NADK2: variants seen among roughly 807,000 people sequenced by gnomAD.
NADK2 encodes NAD kinase 2, mitochondrial, also known as NAD kinase domain-containing protein 1, mitochondrial.
Under a neutral mutation model 62.1 loss-of-function variants are expected in NADK2, and 35 were observed. The observed-to-expected ratio is 0.56, with a 90% CI of 0.43 to 0.75. The LOEUF (loss-of-function observed/expected upper bound fraction) is 0.75, where lower values mean the gene tolerates loss of function less well. Ranked by LOEUF, NADK2 falls within the 30% of genes least tolerant of loss-of-function variation. The probability of loss-of-function intolerance (pLI) is 0.00; values close to 1 mark genes in which losing one functional copy is unlikely to be tolerated. For missense variants in NADK2, 439 were observed against 561.3 expected (o/e 0.78, Z 2.20); for synonymous variants, 205 against 207.9 (o/e 0.99, Z 0.12).
At chr5:36,231,109 TA>T (rs1472546697) in intron 1 of NADK2, among the ~76,000 whole-genome samples, 1 of 152,202 alleles carries the variant, frequency 6.6e-6, no homozygotes, top group African/African-American at 2.4e-5. Flanking sequence ...GTAAGCCCTG[TA>T]AATGCTAGTC....
At chr5:36,200,380 G>C (rs1340738382) in intron 9 of NADK2, 100 bp from the exon 10 acceptor site, 2 of 526,082 alleles carry the variant, frequency 3.8e-6, no homozygotes, top group Non-Finnish European at 5.9e-6. Context: ...AAGTGTATAT[G>C]TGTTATATAT....
At chr5:36,232,024 T>C (rs1036874414) in intron 1 of NADK2, among the ~76,000 whole-genome samples, 3 of 152,110 alleles carry the variant, frequency 2.0e-5, no homozygotes, top group African/African-American at 7.2e-5. Context: ...CACATTTCAA[T>C]ATAAGCAAGA....
In NADK2 at chr5:36,227,505, T is replaced by C; in HGVS notation, c.361A>G (p.Asn121Asp). Residue 121 changes from asparagine (N) to aspartate (D), a missense_variant, in exon 2 of 12, where the codon AAT becomes GAT. By Grantham distance (23) the Asn-to-Asp change is conservative. Transcript: ENST00000381937. ...AAACTATCTATAATATGTTCTACAT[T>C]TTTGGTGTGAATATGATGTCGTTCA... The part of the protein sequence containing the change: ...LLERHHIHTK[N>D]VEHIIDSLRN... 6.4e-7 allele frequency: 1 copy of C among 1,551,946 alleles called. No homozygotes were observed. Among genetic ancestry groups the C allele is most frequent in the Non-Finnish European group, 8.7e-7 (1 of 1,148,034 alleles).
rs1042864332 is a variant in NADK2, at chr5:36,193,404, A to AGAT, written c.*1737_*1739dup. ...GGCAGGAGAATCGCTTGAACCTGGG[A>AGAT]GATGGAGGTTGCAGAGCCGAGATCA... On this transcript the variant is annotated 3_prime_UTR_variant, in exon 12 of 12. Transcript: ENST00000381937. 6.8e-6 allele frequency: 1 copy of AGAT among 146,914 alleles called. No homozygotes were observed. Among genetic ancestry groups the AGAT allele is most frequent in the African/African-American group, 2.5e-5 (1 of 39,748 alleles). 9.1% of individuals were successfully genotyped at this position (146,914 alleles called of 1,614,324 possible).
chr5:36,209,235 A>C (rs1267088115), intron 7 of NADK2, among the ~76,000 whole-genome samples: 1 of 152,166 alleles, frequency 6.6e-6, no homozygotes, highest in Non-Finnish European at 1.5e-5. Flanking sequence ...GTTATTTATG[A>C]GATAAACCAA....
chr5:36,214,870 A>G (rs764363509), intron 6 of NADK2, among the ~76,000 whole-genome samples: 8 of 152,204 alleles, frequency 5.3e-5, no homozygotes, highest in Non-Finnish European at 1.0e-4. Flanking sequence ...AAGCTTTTGC[A>G]TTCAGTCACT....
chr5:36,195,938 T>C (rs1746215343), intron 11 of NADK2, among the ~76,000 whole-genome samples: 1 of 152,028 alleles, frequency 6.6e-6, no homozygotes, highest in African/African-American at 2.4e-5. Flanking sequence ...AAAAGTATGT[T>C]TGTGAAATTC....
At position 36,205,765 on chromosome 5, in the gene NADK2, C is replaced by CT. The variant is rs1746611753; in HGVS notation, c.956+1404dup. Reference sequence around the variant, plus strand: ...CCTCAAGGATCTAGAACTAGAAATACTATTTGACCCAGCCATCCCATTACT... The same window carrying CT: ...CCTCAAGGATCTAGAACTAGAAATACTTATTTGACCCAGCCATCCCATTACT... On this transcript the variant is annotated intron_variant, in intron 8 of 11. Coordinates refer to ENST00000381937, the MANE Select transcript of NADK2 (RefSeq NM_001085411.3). The surrounding 1 kb of genome is among the most constrained non-coding windows in gnomAD (Gnocchi z 4.1). 6.6e-6 allele frequency among the ~76,000 whole-genome samples: 1 copy of CT among 152,106 alleles called. No individual in the cohort carries two copies. The highest frequency in any genetic ancestry group is 1.5e-5 in the Non-Finnish European group (1 of 68,022).
At chr5:36,206,346 C>T (rs1027937278) in intron 8 of NADK2, among the ~76,000 whole-genome samples, 1 of 149,224 alleles carries the variant, frequency 6.7e-6, no homozygotes, top group African/African-American at 2.5e-5. Context: ...TGTTGTAGTG[C>T]AGATGACAGC....
intron 4 of NADK2, among the ~76,000 whole-genome samples, chr5:36,224,265 T>C (rs1213873372): frequency 2.0e-5 from 3 of 152,162 alleles, no homozygotes; most frequent in Non-Finnish European, 2.9e-5. Flanking sequence ...GATGGTCAGA[T>C]TGATCTAGAA....
chr5:36,239,225 A>C (rs904060568), intron 1 of NADK2, among the ~76,000 whole-genome samples: 2 of 152,234 alleles, frequency 1.3e-5, no homozygotes, highest in African/African-American at 4.8e-5. Context: ...ATAACAAATA[A>C]TACTTATCAT....
intron 7 of NADK2, 121 bp downstream of exon 7, chr5:36,211,723 T>G: frequency 1.3e-6 from 1 of 753,558 alleles, no homozygotes; most frequent in Non-Finnish European, 2.2e-6. Context: ...CATTAAATAA[T>G]GAACTGCCAT....
chr5:36,216,449 T>C (rs1463811538), intron 6 of NADK2, among the ~76,000 whole-genome samples: 1 of 152,192 alleles, frequency 6.6e-6, no homozygotes, highest in Non-Finnish European at 1.5e-5. Context: ...TATTTTGTTT[T>C]TGTTGCCTGT....
intron 8 of NADK2, 49 bp from the exon 9 acceptor site, chr5:36,201,210 TA>T: frequency 6.7e-7 from 1 of 1,503,464 alleles, no homozygotes; most frequent in Non-Finnish European, 9.2e-7. Flanking sequence ...AAAAACATGC[TA>T]AAAATCAAAA....
chr5:36,208,389 G>A (rs1746716151), intron 7 of NADK2, among the ~76,000 whole-genome samples: 1 of 152,036 alleles, frequency 6.6e-6, no homozygotes, highest in South Asian at 2.1e-4. Flanking sequence ...ATCCATAGAA[G>A]TGGCTGCTAC....
chr5:36,199,671 CT>C (rs1425158814), intron 10 of NADK2, among the ~76,000 whole-genome samples: 2 of 152,056 alleles, frequency 1.3e-5, no homozygotes, highest in South Asian at 4.1e-4. Flanking sequence ...TTAACCCCCT[CT>C]TTTTACAACT....
chr5:36,213,768 A>G (rs1246511620), intron 6 of NADK2, among the ~76,000 whole-genome samples: 1 of 151,904 alleles, frequency 6.6e-6, no homozygotes, highest in Non-Finnish European at 1.5e-5. Context: ...TATTGTTTAA[A>G]TTACTTTTCC....
At chr5:36,216,087 C>T (rs1747031810) in intron 6 of NADK2, among the ~76,000 whole-genome samples, 1 of 152,116 alleles carries the variant, frequency 6.6e-6, no homozygotes, top group Non-Finnish European at 1.5e-5. Context: ...TCTCTACATC[C>T]TTGCCAGTAT....
At chr5:36,229,925 C>T (rs1483161012) in intron 1 of NADK2, among the ~76,000 whole-genome samples, 1 of 151,324 alleles carries the variant, frequency 6.6e-6, no homozygotes, top group Non-Finnish European at 1.5e-5. Context: ...CAGCCGATGC[C>T]TCCTTTTTTG....
Sources: allele counts gnomAD v4.1 joint callset (sites outside exome capture counted in the v4.1 genomes callset), GRCh38; gene constraint gnomAD v4.1.1; non-coding constraint Gnocchi (gnomAD v3.1); transcripts MANE v1.5; gene names NCBI Gene and HGNC (gene_info 2026-07-23, HGNC 2026-07-21).